RPH3A: variants seen among roughly 807,000 people sequenced by gnomAD.
The protein encoded by RPH3A is rabphilin 3A, also known as rabphilin-3A.
A neutral mutation model predicts 102.2 loss-of-function variants in RPH3A; 48 were observed. That is an observed-to-expected ratio of 0.47 (90% CI 0.37 to 0.60). The LOEUF (loss-of-function observed/expected upper bound fraction) is 0.60. RPH3A is among the 20% of genes least tolerant of loss of function. RPH3A has a pLI of 0.00. For missense variants in RPH3A, 781 were observed against 910.1 expected, an observed-to-expected ratio of 0.86 and a Z score of 1.83; for synonymous variants, 310 against 324.3, an observed-to-expected ratio of 0.96 and a Z score of 0.47.
rs558347426 is a variant in RPH3A at position 112,731,887 on chromosome 12, C to T, written c.-139-60256C>T. 2.2e-3 allele frequency among the ~76,000 whole-genome samples: 335 copies of T among 152,224 alleles called. 2 individuals are homozygous for T. The highest frequency in any genetic ancestry group is 3.5e-3 in the Non-Finnish European group (241 of 68,016). ...CCCTTTCTCTTGCCCAGTGAGATGC[C>T]CCACCTCCCCAAAAAATCCATAAAG... On this transcript the variant is annotated intron_variant, in intron 1 of 21. Transcript: ENST00000543106.
intron 4 of RPH3A, among the ~76,000 whole-genome samples, chr12:112,844,857 A>T (rs1412273606): frequency 1.3e-5 from 2 of 152,248 alleles, no homozygotes; most frequent in Non-Finnish European, 2.9e-5. Flanking sequence ...AAGGTCACTC[A>T]TGCAGCTGCA....
rs138044542 is a variant in RPH3A, at chr12:112,661,619, A to G, written c.-140+86300A>G. ...ATGGAAGGGATCTTCCTGGAAGGAA[A>G]CAGTTGTCCTCTCATTCTACAGATA... is the stretch of plus-strand genomic sequence containing the variant. On this transcript the variant is annotated intron_variant, in intron 1 of 21. Coordinates refer to the RPH3A transcript ENST00000543106. Among the ~76,000 whole-genome samples, 65 of 152,334 alleles carry G rather than the reference A, an allele frequency of 4.3e-4. No homozygotes were observed. The East Asian group carries it at 0.012, about 29-fold the overall frequency.
At chr12:112,855,209 T>A (rs913375457) in intron 5 of RPH3A, among the ~76,000 whole-genome samples, 1 of 152,140 alleles carries the variant, frequency 6.6e-6, no homozygotes, top group Non-Finnish European at 1.5e-5. Context: ...GGCAAGTGAG[T>A]TCCCATCTGT....
intron 1 of RPH3A, among the ~76,000 whole-genome samples, chr12:112,752,360 T>C (rs1267047546): frequency 6.6e-6 from 1 of 152,196 alleles, no homozygotes; most frequent in African/African-American, 2.4e-5. Context: ...TATAGAAACT[T>C]ATTACTTAGT....
chr12:112,890,821 G>T (rs370100127), intron 18 of RPH3A, 28 bp from the exon 19 acceptor site: 3 of 1,608,166 alleles, frequency 1.9e-6, no homozygotes, highest in Admixed American at 1.7e-5. Context: ...CCCCTCCAAG[G>T]CCCACACTGC....
intron 1 of RPH3A, among the ~76,000 whole-genome samples, chr12:112,753,107 G>A (rs749456595): frequency 7.9e-5 from 12 of 151,468 alleles, no homozygotes; most frequent in Admixed American, 2.0e-4. Flanking sequence ...ACTGTTTCTC[G>A]TGGAATGTTC....
Position 112,680,271 on chromosome 12 carries a change from A to G in RPH3A, c.-140+104952A>G, listed in dbSNP as rs567345723. Among the ~76,000 whole-genome samples, 34 of 152,318 alleles carry G rather than the reference A, an allele frequency of 2.2e-4. 1 individual carries two copies. The highest frequency in any genetic ancestry group is 2.4e-4 in the Non-Finnish European group (16 of 68,024). On this transcript the variant is annotated intron_variant, in intron 1 of 21. Coordinates refer to the RPH3A transcript ENST00000543106. ...AATAATATAACTGGCTTTGGGTCCC[A>G]AAAGATCACTGCGATTACAGGGTGG...
intron 2 of RPH3A, among the ~76,000 whole-genome samples, chr12:112,821,144 A>T (rs1303726140): frequency 6.6e-6 from 1 of 152,228 alleles, no homozygotes; most frequent in African/African-American, 2.4e-5. Context: ...AGGAATGACC[A>T]GGCGGGCAGG....
chr12:112,632,652 C>T (rs188612581), intron 1 of RPH3A, among the ~76,000 whole-genome samples: 15 of 152,290 alleles, frequency 9.8e-5, no homozygotes, highest in Non-Finnish European at 2.1e-4. Context: ...GAAGATACCA[C>T]AAAGGCGTTT....
At chr12:112,620,226 A>G (rs1432577623) in intron 1 of RPH3A, among the ~76,000 whole-genome samples, 1 of 152,174 alleles carries the variant, frequency 6.6e-6, no homozygotes, top group Non-Finnish European at 1.5e-5. Context: ...TTTATCCCTA[A>G]GCCAACATGT....
intron 5 of RPH3A, among the ~76,000 whole-genome samples, chr12:112,861,799 G>C (rs1011909519): frequency 1.3e-5 from 2 of 152,114 alleles, no homozygotes; most frequent in Non-Finnish European, 2.9e-5. Flanking sequence ...AGATCATGAG[G>C]TCAGGAGATC....
At chr12:112,801,908 T>C (rs1859280) in intron 2 of RPH3A, among the ~76,000 whole-genome samples, 2,493 of 152,326 alleles carry the variant, frequency 0.016, 69 homozygotes, top group African/African-American at 0.057. Flanking sequence ...CTCACTTCTT[T>C]TCCACTCAGC....
intron 1 of RPH3A, among the ~76,000 whole-genome samples, chr12:112,631,743 C>T (rs139067112): frequency 3.3e-5 from 5 of 151,910 alleles, no homozygotes; most frequent in South Asian, 2.1e-4. Context: ...AGGCTGGTCT[C>T]GAACTTCTGA....
At chr12:112,804,409 G>C (rs1800668987) in intron 2 of RPH3A, among the ~76,000 whole-genome samples, 1 of 152,228 alleles carries the variant, frequency 6.6e-6, no homozygotes, top group African/African-American at 2.4e-5. Flanking sequence ...CAGACCACCA[G>C]ACCACCCAAC....
chr12:112,885,784 T>C (rs2042993295), intron 16 of RPH3A, among the ~76,000 whole-genome samples: 3 of 152,240 alleles, frequency 2.0e-5, no homozygotes, highest in Non-Finnish European at 4.4e-5. Flanking sequence ...CTTTTCACTA[T>C]TTTTAAATGT....
chr12:112,864,222 G>T (rs1003003390), intron 5 of RPH3A, among the ~76,000 whole-genome samples: 1 of 152,182 alleles, frequency 6.6e-6, no homozygotes, highest in African/African-American at 2.4e-5. Flanking sequence ...GGAGGCCAAG[G>T]CAGGTGGATC....
chr12:112,857,825 C>A (rs1161918702), intron 5 of RPH3A, among the ~76,000 whole-genome samples: 3 of 152,162 alleles, frequency 2.0e-5, no homozygotes, highest in Non-Finnish European at 2.9e-5. Flanking sequence ...CCCATTTGGA[C>A]CAACCTTGTA....
chr12:112,650,232 C>T lies in RPH3A; in HGVS notation c.-140+74913C>T, dbSNP rs561671789. ...ATTACCTCATCTCTAATTTTATCCC[C>T]GTTCTGTAGGTGTGGACATTGAGGT... On this transcript the variant is annotated intron_variant, in intron 1 of 21. Transcript: ENST00000543106. 2.3e-4 allele frequency among the ~76,000 whole-genome samples: 35 copies of T among 152,254 alleles called. No individual in the cohort carries two copies. In the South Asian group the frequency reaches 4.4e-3, roughly 19 times the overall value.
chr12:112,700,270 T>G (rs906483840), intron 1 of RPH3A, among the ~76,000 whole-genome samples: 1 of 152,178 alleles, frequency 6.6e-6, no homozygotes, highest in African/African-American at 2.4e-5. Flanking sequence ...GGTTTCATCA[T>G]GTTGGTCAGT....
Sources: gnomAD v4.1 joint callset for allele counts (sites outside exome capture counted in the v4.1 genomes callset) on GRCh38, gnomAD v4.1.1 for gene constraint, MANE v1.5 for transcripts, NCBI Gene and HGNC (gene_info 2026-07-23, HGNC 2026-07-21) for gene names.